CACNA1H: variants seen among roughly 807,000 people sequenced by gnomAD.
The protein encoded by CACNA1H is voltage-dependent T-type calcium channel subunit alpha-1H.
In CACNA1H, 149 loss-of-function variants were observed where a neutral mutation model predicts 192.5. The observed-to-expected ratio is 0.77, with a 90% CI of 0.68 to 0.89. The LOEUF (loss-of-function observed/expected upper bound fraction) is 0.89. Ranked by LOEUF, CACNA1H falls within the 40% of genes least tolerant of loss-of-function variation. The pLI is 0.00. For missense variants in CACNA1H, 4,257 were observed against 3,423.5 expected (o/e 1.24, Z -6.08); for synonymous variants, 2,202 against 1,475.2 (o/e 1.49, Z -11.29).
At chr16:1,208,961 G>C (rs1041361402) in intron 16 of CACNA1H, 71 bp from the exon 17 acceptor site, 1 of 1,362,552 alleles carries the variant, frequency 7.3e-7, no homozygotes, top group African/African-American at 1.5e-5. Flanking sequence ...GCACACAGTG[G>C]GTGCTCCGTA....
Position 1,153,335 on chromosome 16 carries a change from AGGCGCTGGGGGCCGGGGCCGGGGCCGGG to A in CACNA1H, c.-149_-122del, listed in dbSNP as rs1285589171. 1.1e-5 allele frequency: 1 copy of A among 92,912 alleles called. No homozygotes were observed. The highest frequency in any genetic ancestry group is 2.6e-5 in the Non-Finnish European group (1 of 39,010). 5.8% of individuals were successfully genotyped at this position (92,912 alleles called of 1,614,324 possible). On this transcript the variant is annotated 5_prime_UTR_variant, in exon 1 of 35. Transcript: ENST00000348261. ...GGCTGGGGACGCGGGCCGGGGGCGGAGGCGCTGGGGGCCGGGGCCGGGGCCGGGGGCGGAGGCGCTGGGGGCCGGGGCC... is the reference window on the plus strand; with the variant it reads ...GGCTGGGGACGCGGGCCGGGGGCGGAGGCGGAGGCGCTGGGGGCCGGGGCC...
intron 2 of CACNA1H, chr16:1,159,476 G>C (rs926855610): frequency 2.0e-5 from 3 of 152,736 alleles, no homozygotes; most frequent in Non-Finnish European, 4.4e-5. Flanking sequence ...GTCTGGGCGC[G>C]TGGCGGTGGC....
intron 2 of CACNA1H, among the ~76,000 whole-genome samples, chr16:1,171,712 A>ACCCT (rs894203751): frequency 1.3e-5 from 2 of 150,492 alleles, no homozygotes; most frequent in African/African-American, 4.9e-5. Context: ...AGAGACCACC[A>ACCCT]CCCTCCCTCC....
At chr16:1,212,594 A>G (rs1969589807) in intron 26 of CACNA1H, 66 bp downstream of exon 26, 1 of 1,564,654 alleles carries the variant, frequency 6.4e-7, no homozygotes, top group Admixed American at 1.8e-5. Context: ...AAGGGCGGGC[A>G]TCCCAGGCCT....
chr16:1,215,778 T>TGCCCTCTG (rs1486179995), intron 30 of CACNA1H, among the ~76,000 whole-genome samples, 185 bp downstream of exon 30: 1 of 152,172 alleles, frequency 6.6e-6, no homozygotes, highest in Non-Finnish European at 1.5e-5. Flanking sequence ...ATCCAGCCGC[T>TGCCCTCTG]GCCCTCTGGC....
intron 5 of CACNA1H, among the ~76,000 whole-genome samples, chr16:1,197,663 C>A (rs886336994): frequency 6.6e-6 from 1 of 152,238 alleles, no homozygotes; most frequent in East Asian, 1.9e-4. Context: ...CACTGATTGT[C>A]TGCTCCGGTC....
Position 1,220,395 on chromosome 16 carries a change from C to A in CACNA1H, c.6463C>A (p.Arg2155=). 1 of 1,520,188 alleles carries A rather than the reference C, an allele frequency of 6.6e-7. No homozygotes were observed. The highest frequency in any genetic ancestry group is 2.2e-5 in the Admixed American group (1 of 44,764). 94.2% of individuals were successfully genotyped at this position (1,520,188 alleles called of 1,614,324 possible). A position where few individuals can be genotyped will look rare whatever the true frequency, so the allele number is the denominator to read the frequency against. The part of the protein sequence containing the change: ...DKPGRADEQW[R]PSAELGSGEP... ...GCCGGGCCGGGCAGACGAGCAGTGGCGGCCCTCGGCGGAGCTGGGCAGCGG... is the reference window on the plus strand; with the variant it reads ...GCCGGGCCGGGCAGACGAGCAGTGGAGGCCCTCGGCGGAGCTGGGCAGCGG... The change falls in exon 35 of 35, where the codon CGG becomes AGG. Residue 2155 remains arginine, a synonymous_variant. Transcript: ENST00000348261.
intron 2 of CACNA1H, among the ~76,000 whole-genome samples, chr16:1,175,685 G>A (rs902880045): frequency 6.6e-6 from 1 of 152,240 alleles, no homozygotes; most frequent in Admixed American, 6.5e-5. Flanking sequence ...AGATGCCGGA[G>A]GGAGGAGGAG....
At chr16:1,181,393 C>T (rs574972238) in intron 2 of CACNA1H, among the ~76,000 whole-genome samples, 4 of 152,224 alleles carry the variant, frequency 2.6e-5, no homozygotes, top group Admixed American at 6.5e-5. Flanking sequence ...GCTGAGCCAG[C>T]GCTTTGACGC....
rs61171241 is a variant in CACNA1H at position 1,211,810 on chromosome 16, G to A, written c.4566+5G>A. ...GCCGTGGGTGTCGACCAGCAGGTGC[G>A]CACAGGCGGGTCGAGCTGGGTCACC... On this transcript the variant is annotated splice_donor_5th_base_variant and intron_variant, in intron 24 of 34. Coordinates refer to ENST00000348261, the MANE Select transcript of CACNA1H (RefSeq NM_021098.3). 2.5e-5 allele frequency: 40 copies of A among 1,611,880 alleles called. No individual in the cohort carries two copies. Among genetic ancestry groups the A allele is most frequent in the African/African-American group, 8.0e-5 (6 of 74,926 alleles).
Position 1,208,039 on chromosome 16 carries a change from AC to A in CACNA1H, c.3186del (p.Asn1063ThrfsTer281). 1.9e-6 allele frequency: 3 copies of A among 1,606,380 alleles called. No homozygotes were observed. Among genetic ancestry groups the A allele is most frequent in the South Asian group, 1.1e-5 (1 of 89,568 alleles). On this transcript the variant is annotated frameshift_variant, in exon 16 of 35. Transcript: ENST00000348261. LOFTEE classifies it high-confidence loss of function. ...GCTGAAGATGTGTTCCCTGGCCGTG[AC>A]CCCCAACGGGCACCTGGAGGGACGA... Reference protein sequence around the residue: ...TELKMCSLAVTPNGHLEGRGS... With the variant: ...TELKMCSLAVXPNGHLEGRGS...
chr16:1,182,339 A>G (rs1965559018), intron 2 of CACNA1H, among the ~76,000 whole-genome samples: 1 of 152,046 alleles, frequency 6.6e-6, no homozygotes, highest in African/African-American at 2.4e-5. Context: ...TTGAGATGGA[A>G]TGTTCCGGCA....
chr16:1,176,688 G>T (rs569543974), intron 2 of CACNA1H, among the ~76,000 whole-genome samples: 76 of 152,334 alleles, frequency 5.0e-4, no homozygotes, highest in Non-Finnish European at 6.3e-4. Context: ...GGGTCCGGGG[G>T]CCGGCTGGGC....
chr16:1,210,229 A>T (rs1333815696), intron 18 of CACNA1H, 94 bp downstream of exon 18: 1 of 1,280,238 alleles, frequency 7.8e-7, no homozygotes, highest in East Asian at 2.5e-5. Flanking sequence ...CACATGGTGG[A>T]TATTTCCGAG....
intron 12 of CACNA1H, 172 bp downstream of exon 12, chr16:1,206,461 A>G (rs1283334538): frequency 4.8e-6 from 3 of 624,726 alleles, no homozygotes; most frequent in East Asian, 2.8e-5. Context: ...TTGGGCCCCT[A>G]CTGTGTGCCA....
chr16:1,215,635 G>A (rs768540409), intron 30 of CACNA1H, 42 bp downstream of exon 30: 3 of 1,562,262 alleles, frequency 1.9e-6, no homozygotes, highest in South Asian at 2.3e-5. Flanking sequence ...GCCCCCGGAA[G>A]ACGGGGTTGC....
chr16:1,195,610 C>T (rs775690682), intron 4 of CACNA1H, 45 bp downstream of exon 4: 7 of 1,564,210 alleles, frequency 4.5e-6, no homozygotes, highest in Admixed American at 1.9e-5. Flanking sequence ...GAAGGGGCCC[C>T]GCCCACCCCA....
chr16:1,161,275 T>C (rs1963165368), intron 2 of CACNA1H, among the ~76,000 whole-genome samples: 1 of 152,198 alleles, frequency 6.6e-6, no homozygotes, highest in Non-Finnish European at 1.5e-5. Context: ...TTGGCATTAA[T>C]GAACGCTGTC....
chr16:1,200,536 G>A lies in CACNA1H; in HGVS notation c.1084G>A (p.Asp362Asn), dbSNP rs1567508639. Residue 362 changes from aspartate (D) to asparagine (N), a missense_variant, in exon 7 of 35, where the codon GAC becomes AAC. Coordinates refer to ENST00000348261, the MANE Select transcript of CACNA1H (RefSeq NM_021098.3). ...CCCCCACAACGGTGCCATCAACTTC[G>A]ACAACATCGGCTACGCCTGGATTGC... The part of the protein sequence containing the change: ...SNPHNGAINF[D>N]NIGYAWIAIF... 2.5e-6 allele frequency: 4 copies of A among 1,612,252 alleles called. No homozygotes were observed. Among genetic ancestry groups the A allele is most frequent in the Non-Finnish European group, 3.4e-6 (4 of 1,179,712 alleles).
Sources: allele counts gnomAD v4.1 joint callset (sites outside exome capture counted in the v4.1 genomes callset), GRCh38; gene constraint gnomAD v4.1.1; transcripts MANE v1.5; gene names NCBI Gene and HGNC (gene_info 2026-07-23, HGNC 2026-07-21).